IPO13: variants seen among roughly 807,000 people sequenced by gnomAD.
IPO13 encodes importin 13.
Under a neutral mutation model 115.5 loss-of-function variants are expected in IPO13, and 28 were observed. The observed-to-expected ratio is 0.24, with a 90% CI of 0.18 to 0.33. The LOEUF (loss-of-function observed/expected upper bound fraction) is 0.33. Ranked by LOEUF, IPO13 falls within the 10% of genes least tolerant of loss-of-function variation. The pLI is 1.00. For synonymous variants in IPO13, 414 were observed against 478.9 expected, an observed-to-expected ratio of 0.86 and a Z score of 1.77; for missense variants, 785 against 1,204.6, an observed-to-expected ratio of 0.65 and a Z score of 5.16.
At chr1:43,953,288 C>T (rs1172004315) in intron 2 of IPO13, 2 of 152,208 alleles carry the variant, frequency 1.3e-5, no homozygotes, top group Non-Finnish European at 1.5e-5. Context: ...AGCCCTGCCT[C>T]GGCTACTTGA....
rs572292789 is a variant in IPO13, at chr1:43,965,974, A to G, written c.2398-601A>G. Reference sequence around the variant, plus strand: ...TCTCTTCCCCCTCACCCACAGCAGCACTGGCTCCTTGGTGTGTGTATGGCC... The same window carrying G: ...TCTCTTCCCCCTCACCCACAGCAGCGCTGGCTCCTTGGTGTGTGTATGGCC... On this transcript the variant is annotated intron_variant, in intron 15 of 19. Coordinates refer to ENST00000372343, the MANE Select transcript of IPO13 (RefSeq NM_014652.4). 469 of 167,700 alleles carry G rather than the reference A, an allele frequency of 2.8e-3. 1 individual carries two copies. Among genetic ancestry groups the G allele is most frequent in the Non-Finnish European group, 4.7e-3 (363 of 76,548 alleles). The allele number at this position is 167,700 out of a possible 1,614,324, so 10.4% of individuals were successfully genotyped here.
chr1:43,949,285 G>T (rs757485694), intron 1 of IPO13, 132 bp from the exon 2 acceptor site: 3 of 901,900 alleles, frequency 3.3e-6, no homozygotes, highest in Admixed American at 2.9e-5. Flanking sequence ...ACTGCAGAGC[G>T]CTGAGCTCTC....
At chr1:43,957,652 G>A (rs1336492351) in intron 7 of IPO13, 103 bp downstream of exon 7, 4 of 1,380,970 alleles carry the variant, frequency 2.9e-6, no homozygotes, top group Admixed American at 1.8e-5. Flanking sequence ...AGAGCCACAT[G>A]CCTACACACA....
Position 43,967,821 on chromosome 1 carries a change from G to T in IPO13, c.*139G>T. The T allele has an allele frequency of 1.3e-6, 1 of 776,460 alleles. No homozygotes were observed. Among genetic ancestry groups the T allele is most frequent in the Non-Finnish European group, 2.2e-6 (1 of 464,592 alleles). 48.1% of individuals were successfully genotyped at this position (776,460 alleles called of 1,614,324 possible). A position where few individuals can be genotyped will look rare whatever the true frequency, so the allele number is the denominator to read the frequency against. On this transcript the variant is annotated 3_prime_UTR_variant, in exon 20 of 20. Transcript: ENST00000372343. This position sits in a 1 kb window ranked among gnomAD's most constrained non-coding sequence, Gnocchi z 6.1. ...GAAAGCCTGGGTCCAGAAGGCCTGG[G>T]GGAAGGATGGGAGGATGCTTGGACC...
intron 11 of IPO13, among the ~76,000 whole-genome samples, chr1:43,959,209 TA>T (rs1165708884): frequency 6.6e-6 from 1 of 152,214 alleles, no homozygotes; most frequent in African/African-American, 2.4e-5. Flanking sequence ...TAAGTGATTT[TA>T]TGGGCCCCTG....
chr1:43,957,659 C>T, intron 7 of IPO13, 110 bp downstream of exon 7: 1 of 1,335,582 alleles, frequency 7.5e-7, no homozygotes, highest in Non-Finnish European at 1.1e-6. Flanking sequence ...CATGCCTACA[C>T]ACAATCAGTG....
At chr1:43,962,493 G>A (rs924743898) in intron 14 of IPO13, among the ~76,000 whole-genome samples, 1 of 152,130 alleles carries the variant, frequency 6.6e-6, no homozygotes, top group Non-Finnish European at 1.5e-5. Flanking sequence ...ATTGCCCTCA[G>A]CTTATTGTTC....
At chr1:43,959,220 G>A (rs2085273334) in intron 11 of IPO13, among the ~76,000 whole-genome samples, 1 of 152,182 alleles carries the variant, frequency 6.6e-6, no homozygotes, top group Non-Finnish European at 1.5e-5. Flanking sequence ...ATGGGCCCCT[G>A]TTCAACCCCT....
Position 43,956,431 on chromosome 1 carries a change from C to T in IPO13, c.933C>T (p.Ile311=), listed in dbSNP as rs773126332. The T allele has an allele frequency of 2.7e-5, 44 of 1,614,152 alleles. No homozygotes were observed. The highest frequency in any genetic ancestry group is 1.5e-4 in the Admixed American group (9 of 60,026). Residue 311 remains isoleucine (I), a synonymous_variant, in exon 3 of 20, where the codon ATC becomes ATT. Coordinates refer to ENST00000372343, the MANE Select transcript of IPO13 (RefSeq NM_014652.4). The surrounding 1 kb of genome is among the most constrained non-coding windows in gnomAD (Gnocchi z 4.7). ...AGACCTCCCATGGCATCTGTCGCAT[C>T]GCTGTGGCCCTGGGCGAGAACCACT... ...DMETSHGICR[I]AVALGENHSR...
chr1:43,958,382 T>C lies in IPO13; in HGVS notation c.1750-79T>C. On this transcript the variant is annotated intron_variant, in intron 9 of 19. Transcript: ENST00000372343. This position sits in a 1 kb window ranked among gnomAD's most constrained non-coding sequence, Gnocchi z 6.3. ...TCTTATCCCTTATTCTCTGTTTTTCTTCTCCCAAGAGGCTCATTTTCCTTC... is the reference window on the plus strand; with the variant it reads ...TCTTATCCCTTATTCTCTGTTTTTCCTCTCCCAAGAGGCTCATTTTCCTTC... 5.0e-6 allele frequency: 8 copies of C among 1,610,676 alleles called. No homozygotes were observed. The highest frequency in any genetic ancestry group is 6.8e-6 in the Non-Finnish European group (8 of 1,177,626).
chr1:43,949,556 A>G lies in IPO13; in HGVS notation c.224A>G (p.Gln75Arg), dbSNP rs1291014902. The change falls in exon 2 of 20, where the codon CAG becomes CGG. Residue 75 changes from glutamine to arginine, a missense_variant. This residue lies in a region of IPO13 where 325 missense variants were observed against 449.8 expected (regional missense o/e 0.72). Coordinates refer to ENST00000372343, the MANE Select transcript of IPO13 (RefSeq NM_014652.4). The stretch of plus-strand genomic sequence containing the variant: ...CAGCCCGACAAGGTACCAGAGATCC[A>G]GTACTTTGGGGCCAGTGCTCTTCAC... The part of the protein sequence containing the change: ...LLQPDKVPEI[Q>R]YFGASALHIK... 1 of 1,614,100 alleles carries G rather than the reference A, an allele frequency of 6.2e-7. No individual in the cohort carries two copies. Among genetic ancestry groups the G allele is most frequent in the Non-Finnish European group, 8.5e-7 (1 of 1,180,030 alleles).
Position 43,957,969 on chromosome 1 carries a change from TC to T in IPO13, c.1541-6del. 6.2e-7 allele frequency: 1 copy of T among 1,613,548 alleles called. No individual in the cohort carries two copies. Among genetic ancestry groups the T allele is most frequent in the Non-Finnish European group, 8.5e-7 (1 of 1,179,640 alleles). On this transcript the variant is annotated splice_polypyrimidine_tract_variant and splice_region_variant and intron_variant, in intron 7 of 19. Transcript: ENST00000372343. ...TCAAAGATCCTCCTGTCTCCCTCCT[TC>T]CTCCAGGAGCTCTGTCTGAATGGCT...
intron 12 of IPO13, among the ~76,000 whole-genome samples, 165 bp from the exon 13 acceptor site, chr1:43,960,711 C>G (rs1389819947): frequency 2.0e-5 from 3 of 152,198 alleles, no homozygotes; most frequent in African/African-American, 7.2e-5. Context: ...CCTTTGCCCC[C>G]TGCCTTTCAG....
At chr1:43,954,937 G>A (rs557563041) in intron 2 of IPO13, among the ~76,000 whole-genome samples, 2 of 152,176 alleles carry the variant, frequency 1.3e-5, no homozygotes, top group Non-Finnish European at 2.9e-5. Flanking sequence ...GAATCAACTT[G>A]TCTAAGACTG....
chr1:43,960,241 G>A lies in IPO13; in HGVS notation c.2029-8G>A. The A allele has an allele frequency of 6.2e-7, 1 of 1,614,090 alleles. No individual in the cohort carries two copies. Among genetic ancestry groups the A allele is most frequent in the Non-Finnish European group, 8.5e-7 (1 of 1,179,962 alleles). ...GCAGAAGCGCCTCACTTCTTCCTGT[G>A]CCTTCAGGTGGTGGTGGTGCTGCAG... On this transcript the variant is annotated splice_region_variant and splice_polypyrimidine_tract_variant and intron_variant, in intron 11 of 19. Transcript: ENST00000372343.
At position 43,947,621 on chromosome 1, in the gene IPO13, G is replaced by A. The variant is rs1372035218; in HGVS notation, c.21G>A (p.Gln7=). The change falls in exon 1 of 20, where the codon CAG becomes CAA. Residue 7 remains glutamine, a synonymous_variant. Coordinates refer to ENST00000372343, the MANE Select transcript of IPO13 (RefSeq NM_014652.4). The stretch of plus-strand genomic sequence containing the variant: ...CAAAGATGGAGCGGCGGGAGGAGCA[G>A]CCGGGGGCTGCAGGGGCTGGAGCAG... MERREE[Q]PGAAGAGAAP... is the part of the protein sequence containing the mutation. 1 of 1,327,862 alleles carries A rather than the reference G, an allele frequency of 7.5e-7. No individual in the cohort carries two copies. Among genetic ancestry groups the A allele is most frequent in the South Asian group, 2.1e-5 (1 of 46,810 alleles). The allele number at this position is 1,327,862 out of a possible 1,614,324, so 82.3% of individuals were successfully genotyped here.
At chr1:43,959,137 G>A (rs180751175) in intron 11 of IPO13, among the ~76,000 whole-genome samples, 1 of 152,310 alleles carries the variant, frequency 6.6e-6, no homozygotes, top group African/African-American at 2.4e-5. Flanking sequence ...AGCCCAATTA[G>A]GGTGATGTCA....
At position 43,966,321 on chromosome 1, in the gene IPO13, G is replaced by T; in HGVS notation, c.2398-254G>T. On this transcript the variant is annotated intron_variant, in intron 15 of 19. Transcript: ENST00000372343. The surrounding 1 kb of genome is among the most constrained non-coding windows in gnomAD (Gnocchi z 4.1). Reference sequence around the variant, plus strand: ...CTGGAACCCAAACTTTCTGCATTATGATCCCCACCCCCAACCTCTCTCACG... The same window carrying T: ...CTGGAACCCAAACTTTCTGCATTATTATCCCCACCCCCAACCTCTCTCACG... 1 of 576,154 alleles carries T rather than the reference G, an allele frequency of 1.7e-6. No homozygotes were observed. Among genetic ancestry groups the T allele is most frequent in the South Asian group, 2.0e-5 (1 of 49,186 alleles). The allele number at this position is 576,154 out of a possible 1,614,324, so 35.7% of individuals were successfully genotyped here.
At chr1:43,963,515 G>A (rs998920714) in intron 14 of IPO13, among the ~76,000 whole-genome samples, 2 of 152,194 alleles carry the variant, frequency 1.3e-5, no homozygotes, top group Non-Finnish European at 2.9e-5. Context: ...CTAGTCCTCA[G>A]CCCTGAGCTT....
Sources: gnomAD v4.1 joint callset for allele counts (sites outside exome capture counted in the v4.1 genomes callset) on GRCh38, gnomAD v4.1.1 for gene constraint, gnomAD v4.1.1 regional missense constraint, Gnocchi (gnomAD v3.1) non-coding constraint, MANE v1.5 for transcripts, NCBI Gene and HGNC (gene_info 2026-07-23, HGNC 2026-07-21) for gene names.